Variants in ENTREP2 observed in about 807,000 individuals in gnomAD.
The protein encoded by ENTREP2 is endosomal transmembrane epsin interactor 2.
At chr15:29,383,360 T>G in the ENTREP2 span, among the ~76,000 whole-genome samples, 2 of 152,154 alleles carry the variant, frequency 1.3e-5, no homozygotes, top group Non-Finnish European at 2.9e-5. Flanking sequence ...TCCCCGTCAC[T>G]CAAGCCGAAA....
the ENTREP2 span, among the ~76,000 whole-genome samples, chr15:29,370,496 C>T: frequency 2.0e-5 from 3 of 152,088 alleles, no homozygotes; most frequent in Non-Finnish European, 4.4e-5. Context: ...ACATTCTGAA[C>T]AGCTGAGCTG....
chr15:29,653,028 G>A, the ENTREP2 span, among the ~76,000 whole-genome samples: 4 of 152,222 alleles, frequency 2.6e-5, no homozygotes, highest in Non-Finnish European at 2.9e-5. Context: ...AAAACTGCAA[G>A]AAGTGTATCC....
chr15:29,290,322 G>A, the ENTREP2 span, among the ~76,000 whole-genome samples: 7,622 of 152,242 alleles, frequency 0.05, 647 homozygotes, highest in African/African-American at 0.17. Context: ...TGTCCTCTCT[G>A]CCTGGAAAGT....
the ENTREP2 span, among the ~76,000 whole-genome samples, chr15:29,282,009 T>C: frequency 0.016 from 2,387 of 152,250 alleles, 30 homozygotes; most frequent in African/African-American, 0.031. Flanking sequence ...GGAGGGTCTA[T>C]GGTTTGCCCA....
At chr15:29,148,879 A>ATT in the ENTREP2 span, among the ~76,000 whole-genome samples, 706 of 142,698 alleles carry the variant, frequency 4.9e-3, 6 homozygotes, top group African/African-American at 0.017. Context: ...TTTTTTTTTA[A>ATT]TTTTTTTTTT....
At chr15:29,283,389 C>T in the ENTREP2 span, among the ~76,000 whole-genome samples, 3 of 152,144 alleles carry the variant, frequency 2.0e-5, no homozygotes, top group African/African-American at 7.2e-5. Flanking sequence ...TGCTCTGTCA[C>T]CCAGGCTAGA....
the ENTREP2 span, among the ~76,000 whole-genome samples, chr15:29,303,568 T>C: frequency 2.0e-5 from 3 of 152,146 alleles, no homozygotes; most frequent in South Asian, 2.1e-4. Flanking sequence ...TGGGGGTTGT[T>C]GTGCAGGTTA....
At chr15:29,216,602 T>G in the ENTREP2 span, among the ~76,000 whole-genome samples, 1 of 152,218 alleles carries the variant, frequency 6.6e-6, no homozygotes, top group Admixed American at 6.5e-5. Context: ...GGGACACTGA[T>G]CATTCTTAGG....
At chr15:29,429,782 C>T in the ENTREP2 span, among the ~76,000 whole-genome samples, 2 of 152,196 alleles carry the variant, frequency 1.3e-5, no homozygotes, top group African/African-American at 2.4e-5. Context: ...GGAATGCCAA[C>T]AGGGCTGTGC....
At chr15:29,460,579 C>T in the ENTREP2 span, among the ~76,000 whole-genome samples, 2 of 152,066 alleles carry the variant, frequency 1.3e-5, no homozygotes, top group African/African-American at 2.4e-5. Context: ...TGCAGTGACC[C>T]GAGATTGTGC....
the ENTREP2 span, among the ~76,000 whole-genome samples, chr15:29,159,038 A>G: frequency 6.6e-6 from 1 of 152,186 alleles, no homozygotes; most frequent in Non-Finnish European, 1.5e-5. Context: ...CAGGACATTG[A>G]GCGGGTCGTG....
the ENTREP2 span, among the ~76,000 whole-genome samples, chr15:29,656,229 ATT>A: frequency 1.8e-4 from 26 of 145,442 alleles, no homozygotes; most frequent in African/African-American, 5.5e-4. Flanking sequence ...TGTTAACGGA[ATT>A]TTTTTTTTTT....
chr15:29,348,193 C>T, the ENTREP2 span, among the ~76,000 whole-genome samples: 2 of 152,144 alleles, frequency 1.3e-5, no homozygotes, highest in South Asian at 2.1e-4. Flanking sequence ...TTCAATGTGT[C>T]AGGCACTGTT....
At chr15:29,586,699 A>G in the ENTREP2 span, among the ~76,000 whole-genome samples, 2 of 151,940 alleles carry the variant, frequency 1.3e-5, no homozygotes, top group Non-Finnish European at 2.9e-5. Context: ...CAATGAGCCA[A>G]GATTGCACCA....
chr15:29,532,130 T>G, the ENTREP2 span, among the ~76,000 whole-genome samples: 1 of 152,208 alleles, frequency 6.6e-6, no homozygotes, highest in Non-Finnish European at 1.5e-5. Context: ...CCTATCGAAC[T>G]GAAATTTTGT....
At chr15:29,578,216 G>A in the ENTREP2 span, among the ~76,000 whole-genome samples, 1 of 152,322 alleles carries the variant, frequency 6.6e-6, no homozygotes, top group Admixed American at 6.5e-5. Flanking sequence ...CTTGTAGGTT[G>A]CTGGAATGAA....
the ENTREP2 span, among the ~76,000 whole-genome samples, chr15:29,654,620 A>C: frequency 6.6e-6 from 1 of 152,232 alleles, no homozygotes; most frequent in Non-Finnish European, 1.5e-5. Flanking sequence ...AGAGATGGTG[A>C]GATCCATATC....
chr15:29,213,955 C>T, the ENTREP2 span, among the ~76,000 whole-genome samples: 38 of 152,200 alleles, frequency 2.5e-4, no homozygotes, highest in African/African-American at 8.2e-4. Flanking sequence ...ACATCACTGG[C>T]CATCAGAGAA....
chr15:29,606,607 C>A, the ENTREP2 span, among the ~76,000 whole-genome samples: 11 of 152,164 alleles, frequency 7.2e-5, no homozygotes, highest in Admixed American at 2.0e-4. Context: ...ATATGCTAAT[C>A]CATTCTCCTT....
Sources: gnomAD v4.1 joint callset for allele counts (sites outside exome capture counted in the v4.1 genomes callset) on GRCh38, gnomAD v4.1.1 for gene constraint, MANE v1.5 for transcripts, NCBI Gene and HGNC (gene_info 2026-07-23, HGNC 2026-07-21) for gene names.